Variants in RUNDC3B observed in about 807,000 individuals in gnomAD.
The protein encoded by RUNDC3B is RUN domain containing 3B.
RUNDC3B carries 33 observed loss-of-function variants against 58.4 expected under a neutral mutation model. That is an observed-to-expected ratio of 0.56 (90% CI 0.43 to 0.75). The LOEUF is 0.75. RUNDC3B is among the 30% of genes least tolerant of loss of function. The pLI is 0.00. For missense variants in RUNDC3B, 501 were observed against 535.7 expected, an observed-to-expected ratio of 0.94 and a Z score of 0.64; for synonymous variants, 193 against 195.2, an observed-to-expected ratio of 0.99 and a Z score of 0.10.
intron 4 of RUNDC3B, among the ~76,000 whole-genome samples, chr7:87,716,018 A>G (rs1325318416): frequency 6.6e-6 from 1 of 152,200 alleles, no homozygotes; most frequent in African/African-American, 2.4e-5. Context: ...TAGGAATACA[A>G]AGAATACTAA....
At chr7:87,682,801 C>G (rs1827056939) in intron 2 of RUNDC3B, among the ~76,000 whole-genome samples, 1 of 152,176 alleles carries the variant, frequency 6.6e-6, no homozygotes, top group Non-Finnish European at 1.5e-5. Context: ...TTGGCTTCAA[C>G]TTAAAGCCAC....
intron 4 of RUNDC3B, among the ~76,000 whole-genome samples, chr7:87,734,001 T>G (rs1189910563): frequency 6.6e-6 from 1 of 152,188 alleles, no homozygotes; most frequent in Non-Finnish European, 1.5e-5. Context: ...GAATAGACAC[T>G]TCTCCAAGGG....
At chr7:87,764,340 A>G (rs1216560726) in intron 6 of RUNDC3B, among the ~76,000 whole-genome samples, 3 of 151,940 alleles carry the variant, frequency 2.0e-5, no homozygotes, top group Admixed American at 6.6e-5. Context: ...AATTTAAAGT[A>G]TCAAATCAAT....
At chr7:87,812,933 G>C (rs1363625247) in intron 9 of RUNDC3B, among the ~76,000 whole-genome samples, 1 of 152,154 alleles carries the variant, frequency 6.6e-6, no homozygotes, top group Non-Finnish European at 1.5e-5. Flanking sequence ...GTCAGATGGA[G>C]CTGTCAGTCA....
At chr7:87,767,833 CTGTCACACCCT>C (rs1458687220) in intron 6 of RUNDC3B, among the ~76,000 whole-genome samples, 1 of 152,156 alleles carries the variant, frequency 6.6e-6, no homozygotes, top group Non-Finnish European at 1.5e-5. Context: ...ATCAGCTTCC[CTGTCACACCCT>C]TGTCACAGGG....
chr7:87,713,932 A>T (rs1419528053), intron 4 of RUNDC3B, among the ~76,000 whole-genome samples: 1 of 152,222 alleles, frequency 6.6e-6, no homozygotes, highest in Admixed American at 6.5e-5. Flanking sequence ...TATTTAATTT[A>T]TAATGAAAAA....
At chr7:87,716,107 A>AAAAATAAGTGATT (rs924469457) in intron 4 of RUNDC3B, among the ~76,000 whole-genome samples, 2 of 152,168 alleles carry the variant, frequency 1.3e-5, no homozygotes, top group African/African-American at 4.8e-5. Flanking sequence ...ATAAAAAATA[A>AAAAATAAGTGATT]ACCACGTTCA....
intron 1 of RUNDC3B, among the ~76,000 whole-genome samples, chr7:87,644,838 C>CT (rs1260215473): frequency 1.3e-5 from 2 of 151,574 alleles, no homozygotes; most frequent in African/African-American, 4.8e-5. Flanking sequence ...CTAATAAAAA[C>CT]TATAGACATT....
Position 87,636,508 on chromosome 7 carries a change from T to C in RUNDC3B, c.122+7563T>C, listed in dbSNP as rs558343626. On this transcript the variant is annotated intron_variant, in intron 1 of 10. Transcript: ENST00000394654. Reference sequence around the variant, plus strand: ...ACATGTAATGCAAATGTCTTCCATTTGGTGGCTTTATTTTTCACTCTGTAG... The same window carrying C: ...ACATGTAATGCAAATGTCTTCCATTCGGTGGCTTTATTTTTCACTCTGTAG... Among the ~76,000 whole-genome samples the C allele has an allele frequency of 1.1e-4, 17 of 152,330 alleles. 1 individual carries two copies. The South Asian group carries it at 2.5e-3, about 22-fold the overall frequency.
chr7:87,767,982 C>T (rs575094930), intron 6 of RUNDC3B, among the ~76,000 whole-genome samples: 17 of 152,128 alleles, frequency 1.1e-4, no homozygotes, highest in Non-Finnish European at 1.6e-4. Context: ...TTCACCCAGC[C>T]GAAAACAAAC....
At chr7:87,754,090 G>A (rs1032857668) in intron 6 of RUNDC3B, among the ~76,000 whole-genome samples, 2 of 151,430 alleles carry the variant, frequency 1.3e-5, no homozygotes, top group African/African-American at 4.8e-5. Context: ...AAAGGGCTTT[G>A]TGCAGTACTG....
At chr7:87,732,198 AAAAC>A (rs1408318899) in intron 4 of RUNDC3B, among the ~76,000 whole-genome samples, 2 of 152,194 alleles carry the variant, frequency 1.3e-5, no homozygotes, top group Middle Eastern at 3.2e-3. Flanking sequence ...AAAATTTAAA[AAAAC>A]AAACAAATGC....
intron 2 of RUNDC3B, among the ~76,000 whole-genome samples, chr7:87,667,533 T>C (rs1825386026): frequency 6.6e-6 from 1 of 152,154 alleles, no homozygotes; most frequent in African/African-American, 2.4e-5. Flanking sequence ...CTATTTTTAA[T>C]AGTAGTGGTG....
intron 2 of RUNDC3B, among the ~76,000 whole-genome samples, chr7:87,673,263 T>G (rs1826007641): frequency 6.6e-6 from 1 of 152,198 alleles, no homozygotes; most frequent in Non-Finnish European, 1.5e-5. Flanking sequence ...AATGTTGACT[T>G]CTCTAGAGAG....
At chr7:87,719,366 A>T (rs1830734776) in intron 4 of RUNDC3B, among the ~76,000 whole-genome samples, 1 of 151,968 alleles carries the variant, frequency 6.6e-6, no homozygotes, top group Admixed American at 6.6e-5. Flanking sequence ...AAGTTTCTTT[A>T]CATAATTAGA....
chr7:87,780,070 T>C (rs777779700), intron 8 of RUNDC3B, among the ~76,000 whole-genome samples: 7 of 152,202 alleles, frequency 4.6e-5, no homozygotes, highest in Non-Finnish European at 7.3e-5. Context: ...ACTTTGCTAT[T>C]GTCAATAGTG....
At chr7:87,773,993 C>T (rs915976570) in intron 7 of RUNDC3B, among the ~76,000 whole-genome samples, 1 of 151,928 alleles carries the variant, frequency 6.6e-6, no homozygotes, top group African/African-American at 2.4e-5. Context: ...TTTTATGGAG[C>T]ACACTAGGTC....
chr7:87,696,508 A>C (rs1459168487), intron 2 of RUNDC3B, among the ~76,000 whole-genome samples: 1 of 152,194 alleles, frequency 6.6e-6, no homozygotes, highest in Non-Finnish European at 1.5e-5. Flanking sequence ...TAGATGCAGA[A>C]ATTAATTATT....
intron 10 of RUNDC3B, among the ~76,000 whole-genome samples, chr7:87,822,231 A>T (rs933075950): frequency 6.6e-5 from 10 of 152,258 alleles, no homozygotes; most frequent in African/African-American, 2.2e-4. Flanking sequence ...GGCGAAGGAC[A>T]TGAACAGACA....
Sources: gnomAD v4.1 joint callset for allele counts (sites outside exome capture counted in the v4.1 genomes callset) on GRCh38, gnomAD v4.1.1 for gene constraint, MANE v1.5 for transcripts, NCBI Gene and HGNC (gene_info 2026-07-23, HGNC 2026-07-21) for gene names.